CNTN4: variants seen among roughly 807,000 people sequenced by gnomAD.
CNTN4 encodes the protein contactin-4.
In CNTN4, 77 loss-of-function variants were observed where a neutral mutation model predicts 122.5. The observed-to-expected ratio is 0.63, with a 90% CI of 0.52 to 0.76. CNTN4 has a LOEUF of 0.76. Ranked by LOEUF, CNTN4 falls within the 30% of genes least tolerant of loss-of-function variation. The pLI, the probability that CNTN4 is intolerant of heterozygous loss-of-function variation, is 0.00. For synonymous variants in CNTN4, 512 were observed against 447.0 expected (o/e 1.15, Z -1.83); for missense variants, 1,256 against 1,259.1 (o/e 1.00, Z 0.04).
rs111292019 is a variant in CNTN4, at chr3:2,826,971, G to A, written c.454+7390G>A. Among the ~76,000 whole-genome samples, 787 of 152,244 alleles carry A rather than the reference G, an allele frequency of 5.2e-3. 8 individuals are homozygous for A. The highest frequency in any genetic ancestry group is 0.018 in the African/African-American group (748 of 41,534). On this transcript the variant is annotated intron_variant, in intron 7 of 24. Transcript: ENST00000418658. ...TTGTCCTCATTTCTTACCCAAAGGC[G>A]CATGAAATCCCATTTTAACCCCACT...
At chr3:2,687,162 T>A (rs2085472332) in intron 4 of CNTN4, among the ~76,000 whole-genome samples, 1 of 74,628 alleles carries the variant, frequency 1.3e-5, no homozygotes. Flanking sequence ...AACAGAAATG[T>A]CTGTGTTTCT....
intron 3 of CNTN4, among the ~76,000 whole-genome samples, chr3:2,519,622 G>A (rs1182816574): frequency 2.0e-5 from 3 of 152,204 alleles, no homozygotes; most frequent in Non-Finnish European, 4.4e-5. Context: ...AGTGTGAGGT[G>A]GACCAGTTGT....
At chr3:2,673,894 G>A (rs954966323) in intron 4 of CNTN4, among the ~76,000 whole-genome samples, 6 of 152,224 alleles carry the variant, frequency 3.9e-5, no homozygotes, top group Non-Finnish European at 8.8e-5. Context: ...ATCTTGGAAT[G>A]TTGCTTTGAG....
At chr3:2,661,883 A>G (rs1486130012) in intron 4 of CNTN4, among the ~76,000 whole-genome samples, 4 of 151,614 alleles carry the variant, frequency 2.6e-5, no homozygotes, top group African/African-American at 9.7e-5. Flanking sequence ...TTTTAAGAAT[A>G]CCCGTAATAA....
At chr3:2,778,031 G>A (rs1046056329) in intron 6 of CNTN4, among the ~76,000 whole-genome samples, 4 of 151,426 alleles carry the variant, frequency 2.6e-5, no homozygotes, top group Admixed American at 6.6e-5. Flanking sequence ...TGGCTAACAC[G>A]GTGAAACCCC....
intron 14 of CNTN4, among the ~76,000 whole-genome samples, chr3:3,014,348 A>G (rs1166188474): frequency 6.6e-6 from 1 of 152,186 alleles, no homozygotes; most frequent in Non-Finnish European, 1.5e-5. Context: ...TGGATTTGGA[A>G]AATGTGGGAC....
At chr3:2,421,794 A>G (rs1303635116) in intron 3 of CNTN4, among the ~76,000 whole-genome samples, 1 of 152,218 alleles carries the variant, frequency 6.6e-6, no homozygotes, top group Non-Finnish European at 1.5e-5. Context: ...GTACTTTACA[A>G]TATTTCTCTG....
At chr3:2,660,246 C>T (rs2150282199) in intron 4 of CNTN4, among the ~76,000 whole-genome samples, 1 of 151,894 alleles carries the variant, frequency 6.6e-6, no homozygotes, top group Non-Finnish European at 1.5e-5. Flanking sequence ...ATAGTATACT[C>T]AAAACATTTT....
At chr3:2,972,058 C>T (rs903615275) in intron 13 of CNTN4, among the ~76,000 whole-genome samples, 3 of 152,102 alleles carry the variant, frequency 2.0e-5, no homozygotes, top group Admixed American at 2.0e-4. Context: ...AATTACAGCT[C>T]TAATTTATGG....
chr3:2,277,486 A>C (rs1277536255), intron 2 of CNTN4, among the ~76,000 whole-genome samples: 1 of 152,204 alleles, frequency 6.6e-6, no homozygotes, highest in Non-Finnish European at 1.5e-5. Flanking sequence ...TCTATTTGCC[A>C]TAAAACATTT....
In CNTN4 at chr3:3,053,930, G is replaced by A; in HGVS notation, c.2935G>A (p.Gly979Arg). The change falls in exon 24 of 25, where the codon GGA (glycine) becomes AGA (arginine). Residue 979 changes from glycine (G) to arginine (R), a missense_variant. By Grantham distance (125) the Gly-to-Arg change is moderately radical. Coordinates refer to ENST00000418658, the MANE Select transcript of CNTN4 (RefSeq NM_175607.3). Reference protein sequence around the residue: ...IIEIKPFSDGGDGSSSEQIRI... With the variant: ...IIEIKPFSDGRDGSSSEQIRI... ...AGAAATTAAGCCATTCAGCGACGGAGGAGATGGCAGCAGCAGTGAACAAAT... is the reference window on the plus strand; with the variant it reads ...AGAAATTAAGCCATTCAGCGACGGAAGAGATGGCAGCAGCAGTGAACAAAT... The A allele has an allele frequency of 6.2e-7, 1 of 1,614,178 alleles. No homozygotes were observed. Among genetic ancestry groups the A allele is most frequent in the South Asian group, 1.1e-5 (1 of 91,086 alleles).
At chr3:2,874,520 T>G (rs2093821865) in intron 8 of CNTN4, among the ~76,000 whole-genome samples, 1 of 152,182 alleles carries the variant, frequency 6.6e-6, no homozygotes, top group African/African-American at 2.4e-5. Context: ...TCTACTTGTC[T>G]CTAGAGATGC....
chr3:2,268,458 TA>T (rs2041142942), intron 2 of CNTN4, among the ~76,000 whole-genome samples: 1 of 152,156 alleles, frequency 6.6e-6, no homozygotes, highest in African/African-American at 2.4e-5. Flanking sequence ...TTACTGCCAC[TA>T]AATTTTAAGC....
chr3:2,940,342 A>G (rs74689825), intron 13 of CNTN4, among the ~76,000 whole-genome samples: 1 of 152,228 alleles, frequency 6.6e-6, no homozygotes, highest in African/African-American at 2.4e-5. Context: ...GAGACCACAA[A>G]TGATATATAT....
intron 3 of CNTN4, among the ~76,000 whole-genome samples, chr3:2,540,071 G>T (rs555808317): frequency 0.015 from 885 of 60,654 alleles, 3 homozygotes; most frequent in Middle Eastern, 0.031. Context: ...CATCAGTGTT[G>T]TGTGTGTGTG....
At chr3:2,660,818 C>T (rs1322652310) in intron 4 of CNTN4, among the ~76,000 whole-genome samples, 1 of 152,160 alleles carries the variant, frequency 6.6e-6, no homozygotes, top group Non-Finnish European at 1.5e-5. Flanking sequence ...CAACTGATGC[C>T]CAGCACGTCA....
rs566385617 is a variant in CNTN4, at chr3:2,429,203, C to G, written c.-89+89970C>G. ...GTTTTCTGCTCTGCTTTCTCCCCAT[C>G]TTTGTGGTTTTATCTACCTTTGGTC... On this transcript the variant is annotated intron_variant, in intron 3 of 24. Transcript: ENST00000418658. Among the ~76,000 whole-genome samples the G allele has an allele frequency of 2.0e-5, 3 of 152,316 alleles. No individual in the cohort carries two copies. In the South Asian group the frequency reaches 6.2e-4, roughly 32 times the overall value.
chr3:2,880,748 A>G (rs991211144), intron 8 of CNTN4, among the ~76,000 whole-genome samples: 3 of 152,210 alleles, frequency 2.0e-5, no homozygotes, highest in Admixed American at 2.0e-4. Flanking sequence ...GTAAGAGATT[A>G]AGATGAGGAG....
chr3:2,710,883 G>T (rs1276157379), intron 4 of CNTN4, among the ~76,000 whole-genome samples: 1 of 152,212 alleles, frequency 6.6e-6, no homozygotes, highest in Non-Finnish European at 1.5e-5. Context: ...AAGAAGGCCA[G>T]TGTCTTCCTT....
Sources: allele counts gnomAD v4.1 joint callset (sites outside exome capture counted in the v4.1 genomes callset), GRCh38; gene constraint gnomAD v4.1.1; transcripts MANE v1.5; gene names NCBI Gene and HGNC (gene_info 2026-07-23, HGNC 2026-07-21).